Variants in TMEM243 observed in about 807,000 individuals in gnomAD.
The protein encoded by TMEM243 is transmembrane protein 243.
TMEM243 carries 20 observed loss-of-function variants against 15.0 expected under a neutral mutation model. The ratio of observed to expected loss-of-function variants is 1.33; its 90% confidence interval spans 0.94 to 1.93. TMEM243 has a LOEUF of 1.93. Ranked by LOEUF, TMEM243 falls within the 30% of genes most tolerant of loss-of-function variation. The pLI, the probability that TMEM243 is intolerant of heterozygous loss-of-function variation, is 0.00. For synonymous variants in TMEM243, 72 were observed against 52.7 expected (o/e 1.37, Z -1.59); for missense variants, 156 against 142.1 (o/e 1.10, Z -0.50).
intron 1 of TMEM243, chr7:87,203,083 C>T (rs1328561562): frequency 6.6e-6 from 1 of 152,308 alleles, no homozygotes; most frequent in African/African-American, 2.4e-5. Context: ...TAGCTCTGCC[C>T]TCAGCTCCTC....
Position 87,219,612 on chromosome 7 carries a change from G to A in TMEM243, c.-109C>T. 2 of 985,446 alleles carry A rather than the reference G, an allele frequency of 2.0e-6. No homozygotes were observed. Among genetic ancestry groups the A allele is most frequent in the Non-Finnish European group, 1.6e-6 (1 of 643,986 alleles). The allele number at this position is 985,446 out of a possible 1,614,324, so 61.0% of individuals were successfully genotyped here. On this transcript the variant is annotated 5_prime_UTR_variant, in exon 1 of 4. Coordinates refer to ENST00000257637, the MANE Select transcript of TMEM243 (RefSeq NM_024315.4). ...TCCTCCTCACGGCTCCCGCATAGCCGAACCCGAGTGGTCGGGGAAGCGCTG... is the reference window on the plus strand; with the variant it reads ...TCCTCCTCACGGCTCCCGCATAGCCAAACCCGAGTGGTCGGGGAAGCGCTG...
At chr7:87,217,048 A>G (rs1183484955) in intron 1 of TMEM243, 1 of 152,206 alleles carries the variant, frequency 6.6e-6, no homozygotes, top group African/African-American at 2.4e-5. Context: ...AGGAAACACA[A>G]ACATACTCTA....
At chr7:87,199,285 T>C in intron 1 of TMEM243, 1 of 450,844 alleles carries the variant, frequency 2.2e-6, no homozygotes, top group Non-Finnish European at 3.9e-6. Flanking sequence ...GGACAGAACA[T>C]TTATACTAGA....
upstream of TMEM243, among the ~76,000 whole-genome samples, chr7:87,219,953 TTTCC>T (rs778997092): frequency 2.4e-4 from 36 of 152,234 alleles, no homozygotes; most frequent in Non-Finnish European, 4.4e-4. Flanking sequence ...TACACAATAA[TTTCC>T]CATGTTTTCC....
At chr7:87,205,692 T>C (rs1802167590) in intron 1 of TMEM243, among the ~76,000 whole-genome samples, 1 of 152,202 alleles carries the variant, frequency 6.6e-6, no homozygotes, top group South Asian at 2.1e-4. Context: ...GTGAACCTTA[T>C]TGTCCATATC....
chr7:87,214,562 C>T (rs573991634), intron 1 of TMEM243, among the ~76,000 whole-genome samples: 8 of 152,234 alleles, frequency 5.3e-5, no homozygotes, highest in Non-Finnish European at 1.0e-4. Flanking sequence ...GGCCACACCA[C>T]CTAAACAGTT....
At chr7:87,209,892 CAGTGAGAG>C (rs1422808751) in intron 1 of TMEM243, among the ~76,000 whole-genome samples, 1 of 131,718 alleles carries the variant, frequency 7.6e-6, no homozygotes, top group Non-Finnish European at 1.6e-5. Context: ...GCGTGAGAGA[CAGTGAGAG>C]AGTGAGAGAC....
In TMEM243 at chr7:87,198,094, G is replaced by C. The variant is rs1168509560; in HGVS notation, c.130-49C>G. On this transcript the variant is annotated intron_variant, in intron 2 of 3. Coordinates refer to ENST00000257637, the MANE Select transcript of TMEM243 (RefSeq NM_024315.4). ...GGCCTTAACAGTAATTCCAAGACTT[G>C]GTAATTACCAACTGGAGTCTAGGCA... is the stretch of plus-strand genomic sequence containing the variant. 2.0e-6 allele frequency: 3 copies of C among 1,484,962 alleles called. No homozygotes were observed. The African/African-American group carries it at 4.2e-5, about 21-fold the overall frequency. The allele number at this position is 1,484,962 out of a possible 1,614,324, so 92.0% of individuals were successfully genotyped here. A position where few individuals can be genotyped will look rare whatever the true frequency, so the allele number is the denominator to read the frequency against.
At chr7:87,212,690 A>G (rs1423026269) in intron 1 of TMEM243, among the ~76,000 whole-genome samples, 5 of 152,224 alleles carry the variant, frequency 3.3e-5, no homozygotes, top group Admixed American at 2.0e-4. Flanking sequence ...CCAGGTTTCT[A>G]AACAGTCCCT....
At chr7:87,219,246 T>C (rs564128662) in intron 1 of TMEM243, among the ~76,000 whole-genome samples, 180 bp downstream of exon 1, 1 of 152,088 alleles carries the variant, frequency 6.6e-6, no homozygotes, top group Non-Finnish European at 1.5e-5. Context: ...TAGCCAACCA[T>C]GTCCCAAAGC....
chr7:87,196,762 AAAG>A lies in TMEM243; in HGVS notation c.235-7_235-5del, dbSNP rs780046076. On this transcript the variant is annotated splice_region_variant and splice_polypyrimidine_tract_variant and intron_variant, in intron 3 of 3. Coordinates refer to ENST00000257637, the MANE Select transcript of TMEM243 (RefSeq NM_024315.4). ...CTCCTTGTCGATACCAGTAGATCTA[AAAG>A]AAGAATTAAAGTTTATAAATTAAAA... The A allele has an allele frequency of 6.5e-6, 10 of 1,532,216 alleles. No individual in the cohort carries two copies. The East Asian group carries it at 1.4e-4, about 21-fold the overall frequency. The allele number at this position is 1,532,216 out of a possible 1,614,324, so 94.9% of individuals were successfully genotyped here.
chr7:87,204,605 A>G (rs1169929873), intron 1 of TMEM243, among the ~76,000 whole-genome samples: 3 of 152,296 alleles, frequency 2.0e-5, no homozygotes, highest in Non-Finnish European at 4.4e-5. Flanking sequence ...AGGGCAGTCA[A>G]TTTTTAAAGC....
intron 1 of TMEM243, 63 bp from the exon 2 acceptor site, chr7:87,199,120 A>G: frequency 3.0e-6 from 4 of 1,338,004 alleles, no homozygotes; most frequent in Non-Finnish European, 4.1e-6. Flanking sequence ...AGTATAGTAC[A>G]ATGCAAGGCA....
intron 1 of TMEM243, among the ~76,000 whole-genome samples, chr7:87,202,047 A>C (rs1044712040): frequency 6.6e-6 from 1 of 152,206 alleles, no homozygotes; most frequent in African/African-American, 2.4e-5. Flanking sequence ...CGTTGTGTGC[A>C]TACATACATG....
chr7:87,214,830 T>A (rs1802992648), intron 1 of TMEM243, among the ~76,000 whole-genome samples: 1 of 152,206 alleles, frequency 6.6e-6, no homozygotes, highest in Non-Finnish European at 1.5e-5. Flanking sequence ...AGTGAGATCT[T>A]GGGGTGGGAC....
intron 1 of TMEM243, among the ~76,000 whole-genome samples, chr7:87,206,185 G>A (rs1326283603): frequency 3.9e-5 from 6 of 152,144 alleles, no homozygotes; most frequent in South Asian, 2.1e-4. Context: ...ATCTCCCACC[G>A]GGTCCCTCCC....
At chr7:87,199,638 C>G (rs984359951) in intron 1 of TMEM243, 4 of 152,244 alleles carry the variant, frequency 2.6e-5, no homozygotes, top group African/African-American at 7.2e-5. Context: ...AGTATATAAA[C>G]AAAATATTGG....
chr7:87,214,835 TG>T (rs912500923), intron 1 of TMEM243, among the ~76,000 whole-genome samples: 22 of 152,236 alleles, frequency 1.4e-4, no homozygotes, highest in Admixed American at 1.4e-3. Flanking sequence ...GATCTTGGGG[TG>T]GGACACAAGT....
chr7:87,199,322 TAA>T (rs1158789345), intron 1 of TMEM243: 1 of 380,894 alleles, frequency 2.6e-6, no homozygotes, highest in Non-Finnish European at 4.7e-6. Flanking sequence ...ATCAAATGGG[TAA>T]GGGAGGCTTA....
Sources: allele counts gnomAD v4.1 joint callset (sites outside exome capture counted in the v4.1 genomes callset), GRCh38; gene constraint gnomAD v4.1.1; transcripts MANE v1.5; gene names NCBI Gene and HGNC (gene_info 2026-07-23, HGNC 2026-07-21).